Variants in HS3ST4 observed in about 807,000 individuals in gnomAD.
HS3ST4 encodes the protein heparan sulfate glucosamine 3-O-sulfotransferase 4.
Under a neutral mutation model 29.2 loss-of-function variants are expected in HS3ST4, and 17 were observed. That is an observed-to-expected ratio of 0.58 (90% confidence interval 0.40 to 0.87). HS3ST4 has a LOEUF of 0.87. Among genes scored for constraint, HS3ST4 ranks in the 40% least tolerant of loss-of-function variants. The pLI is 0.00. For missense variants in HS3ST4, 627 were observed against 634.5 expected (o/e 0.99, Z 0.13); for synonymous variants, 314 against 285.7 (o/e 1.10, Z -1.00).
chr16:25,959,793 C>T (rs1968776061), intron 1 of HS3ST4, among the ~76,000 whole-genome samples: 1 of 152,046 alleles, frequency 6.6e-6, no homozygotes, highest in Admixed American at 6.6e-5. Flanking sequence ...CCCTCATTAC[C>T]TTGGTAATGA....
intron 1 of HS3ST4, among the ~76,000 whole-genome samples, chr16:26,056,466 C>T (rs1021182766): frequency 6.6e-6 from 1 of 152,184 alleles, no homozygotes; most frequent in Non-Finnish European, 1.5e-5. Context: ...GGGATTGTGG[C>T]TGTGTGCTCC....
chr16:25,994,279 A>G (rs1331898941), intron 1 of HS3ST4, among the ~76,000 whole-genome samples: 2 of 151,160 alleles, frequency 1.3e-5, no homozygotes, highest in Non-Finnish European at 3.0e-5. Context: ...TTTCCTTACT[A>G]TTTGCTTCTC....
chr16:25,873,650 ATCCGTCCG>A (rs1227946459), intron 1 of HS3ST4, among the ~76,000 whole-genome samples: 32 of 58,070 alleles, frequency 5.5e-4, no homozygotes, highest in East Asian at 5.5e-3. Flanking sequence ...CCATCCATCC[ATCCGTCCG>A]TCCATCCATC....
intron 1 of HS3ST4, among the ~76,000 whole-genome samples, chr16:26,009,029 C>T (rs1166681980): frequency 1.3e-5 from 2 of 152,180 alleles, no homozygotes; most frequent in East Asian, 1.9e-4. Context: ...CGACACAGGC[C>T]TTCATTCACT....
intron 1 of HS3ST4, among the ~76,000 whole-genome samples, chr16:26,066,648 G>A (rs948079954): frequency 6.6e-6 from 1 of 152,168 alleles, no homozygotes; most frequent in Admixed American, 6.5e-5. Context: ...ACCACCAGCA[G>A]CTGCAGTGTT....
chr16:25,945,052 T>G (rs1968611774), intron 1 of HS3ST4, among the ~76,000 whole-genome samples: 1 of 152,170 alleles, frequency 6.6e-6, no homozygotes, highest in Non-Finnish European at 1.5e-5. Context: ...GTGCTAAAAT[T>G]CCCACTGATC....
intron 1 of HS3ST4, among the ~76,000 whole-genome samples, chr16:25,776,720 A>C (rs1476328861): frequency 6.6e-6 from 1 of 152,226 alleles, no homozygotes; most frequent in Non-Finnish European, 1.5e-5. Context: ...CACACTCAAC[A>C]CATTCCCTTT....
intron 1 of HS3ST4, among the ~76,000 whole-genome samples, chr16:25,917,385 G>C (rs768624262): frequency 2.6e-5 from 4 of 152,046 alleles, no homozygotes; most frequent in Admixed American, 6.5e-5. Flanking sequence ...GCTAATTTTT[G>C]TATTTTTAGT....
At chr16:26,112,752 A>G (rs1176603629) in intron 1 of HS3ST4, among the ~76,000 whole-genome samples, 4 of 152,166 alleles carry the variant, frequency 2.6e-5, no homozygotes, top group African/African-American at 9.7e-5. Flanking sequence ...AGGACACACA[A>G]ATTACCAAGA....
chr16:26,127,280 G>A (rs1899357149), intron 1 of HS3ST4, among the ~76,000 whole-genome samples: 1 of 152,132 alleles, frequency 6.6e-6, no homozygotes, highest in Non-Finnish European at 1.5e-5. Flanking sequence ...CCCTTGATCT[G>A]GACCACATCC....
At chr16:25,974,510 G>A (rs1038543944) in intron 1 of HS3ST4, among the ~76,000 whole-genome samples, 2 of 152,122 alleles carry the variant, frequency 1.3e-5, no homozygotes, top group Non-Finnish European at 2.9e-5. Context: ...TGGTAAACAT[G>A]TCCTGGTTGA....
At chr16:26,083,645 G>A (rs1022920629) in intron 1 of HS3ST4, among the ~76,000 whole-genome samples, 12 of 152,064 alleles carry the variant, frequency 7.9e-5, no homozygotes, top group African/African-American at 2.7e-4. Flanking sequence ...GCAGATGCTG[G>A]GCCATATTTA....
At chr16:25,852,214 C>T (rs1967528820) in intron 1 of HS3ST4, among the ~76,000 whole-genome samples, 1 of 152,158 alleles carries the variant, frequency 6.6e-6, no homozygotes, top group Non-Finnish European at 1.5e-5. Flanking sequence ...CTTGGAATAG[C>T]CTGTCCATCT....
chr16:25,721,467 A>G (rs775852845), intron 1 of HS3ST4, among the ~76,000 whole-genome samples: 2 of 74,764 alleles, frequency 2.7e-5, no homozygotes, highest in Non-Finnish European at 6.4e-5. Context: ...CTTCTTTCCC[A>G]TAAAGCAATA....
chr16:25,780,328 C>G (rs1283849493), intron 1 of HS3ST4, among the ~76,000 whole-genome samples: 2 of 152,164 alleles, frequency 1.3e-5, no homozygotes, highest in African/African-American at 4.8e-5. Context: ...GGAGCATGGT[C>G]TTTGGAGCTA....
chr16:25,899,800 T>C (rs12444880), intron 1 of HS3ST4, among the ~76,000 whole-genome samples: 31,126 of 152,022 alleles, frequency 0.2, 3,395 homozygotes, highest in Admixed American at 0.27. Flanking sequence ...CCATGAGGAC[T>C]TCTCCTTCTT....
chr16:25,708,468 T>C (rs763539798), intron 1 of HS3ST4, among the ~76,000 whole-genome samples: 1 of 152,236 alleles, frequency 6.6e-6, no homozygotes, highest in Non-Finnish European at 1.5e-5. Flanking sequence ...AGAAAAAATC[T>C]TGGCAGGTGG....
chr16:26,057,970 A>C (rs1455247497), intron 1 of HS3ST4, among the ~76,000 whole-genome samples: 1 of 150,314 alleles, frequency 6.7e-6, no homozygotes, highest in Non-Finnish European at 1.5e-5. Flanking sequence ...TCCTACTCAG[A>C]AAATGTGAGA....
chr16:26,050,501 A>C (rs1898329082), intron 1 of HS3ST4, among the ~76,000 whole-genome samples: 1 of 152,190 alleles, frequency 6.6e-6, no homozygotes, highest in South Asian at 2.1e-4. Context: ...CTCCAGAAGC[A>C]AATAGCGAAT....
Sources: gnomAD v4.1 joint callset for allele counts (sites outside exome capture counted in the v4.1 genomes callset) on GRCh38, gnomAD v4.1.1 for gene constraint, MANE v1.5 for transcripts, NCBI Gene and HGNC (gene_info 2026-07-23, HGNC 2026-07-21) for gene names.